FRMD4A: variants seen among roughly 807,000 people sequenced by gnomAD.
FRMD4A encodes the protein FERM domain-containing protein 4A.
In FRMD4A, 29 loss-of-function variants were observed where a neutral mutation model predicts 129.1. That is an observed-to-expected ratio of 0.22 (90% CI 0.17 to 0.31). The LOEUF is 0.31. FRMD4A is among the 10% of genes least tolerant of loss of function. The pLI is 1.00. For synonymous variants in FRMD4A, 634 were observed against 571.6 expected (o/e 1.11, Z -1.56); for missense variants, 1,272 against 1,375.8 (o/e 0.92, Z 1.19).
At chr10:13,772,871 A>T (rs573749573) in intron 6 of FRMD4A, among the ~76,000 whole-genome samples, 2 of 152,188 alleles carry the variant, frequency 1.3e-5, no homozygotes, top group African/African-American at 4.8e-5. Context: ...AGAATGAATA[A>T]GACCTAGTAT....
chr10:13,755,625 C>T (rs1261858624), intron 8 of FRMD4A, among the ~76,000 whole-genome samples: 2 of 152,164 alleles, frequency 1.3e-5, no homozygotes, highest in Admixed American at 6.5e-5. Context: ...TGAGGGACTG[C>T]TACTATTTGT....
intron 5 of FRMD4A, among the ~76,000 whole-genome samples, chr10:13,788,465 G>C (rs111359946): frequency 0.013 from 2,055 of 152,332 alleles, 18 homozygotes; most frequent in Non-Finnish European, 0.021. Context: ...GCGTGGCATG[G>C]TGTGGCCCCT....
intron 2 of FRMD4A, among the ~76,000 whole-genome samples, chr10:14,035,045 C>G (rs1242479132): frequency 6.6e-6 from 1 of 152,170 alleles, no homozygotes; most frequent in Non-Finnish European, 1.5e-5. Flanking sequence ...ACAGTACAAT[C>G]TGAAAATGAA....
At chr10:14,234,224 GAA>G (rs11347904) in intron 2 of FRMD4A, among the ~76,000 whole-genome samples, 11,946 of 151,416 alleles carry the variant, frequency 0.079, 595 homozygotes, top group Non-Finnish European at 0.11. Context: ...GGAAGAAGAA[GAA>G]AAAAAAAAAC....
intron 2 of FRMD4A, among the ~76,000 whole-genome samples, chr10:14,073,838 G>A (rs1357840280): frequency 6.6e-6 from 1 of 152,142 alleles, no homozygotes; most frequent in African/African-American, 2.4e-5. Flanking sequence ...TTTGCATAGG[G>A]CGGTGGCTCA....
At chr10:14,167,891 G>C (rs567556790) in intron 2 of FRMD4A, among the ~76,000 whole-genome samples, 4 of 152,196 alleles carry the variant, frequency 2.6e-5, no homozygotes, top group African/African-American at 7.2e-5. Context: ...GGGCATCCCC[G>C]TGGATAGACA....
At chr10:13,813,179 T>C (rs553898252) in intron 3 of FRMD4A, among the ~76,000 whole-genome samples, 2 of 152,362 alleles carry the variant, frequency 1.3e-5, no homozygotes, top group African/African-American at 2.4e-5. Flanking sequence ...GCGCCATGGC[T>C]CACGCCTGTA....
At chr10:13,962,008 T>G (rs1413463550) in intron 2 of FRMD4A, among the ~76,000 whole-genome samples, 1 of 150,988 alleles carries the variant, frequency 6.6e-6, no homozygotes, top group Non-Finnish European at 1.5e-5. Context: ...TGTTCATTAG[T>G]TATTTGTTAG....
chr10:14,185,792 C>T (rs770816103), intron 2 of FRMD4A, among the ~76,000 whole-genome samples: 3 of 152,126 alleles, frequency 2.0e-5, no homozygotes, highest in African/African-American at 7.2e-5. Context: ...ACAATCCAGA[C>T]TAGTCCTGGG....
At chr10:14,058,588 A>G (rs536456781) in intron 2 of FRMD4A, among the ~76,000 whole-genome samples, 1 of 152,334 alleles carries the variant, frequency 6.6e-6, no homozygotes, top group East Asian at 1.9e-4. Flanking sequence ...ATAGAAATTC[A>G]CTGTTGACTG....
chr10:13,704,692 G>A (rs1233118597), intron 13 of FRMD4A, among the ~76,000 whole-genome samples: 1 of 152,128 alleles, frequency 6.6e-6, no homozygotes, highest in East Asian at 1.9e-4. Context: ...AGACCTCCTA[G>A]GTTCAAATCC....
In FRMD4A at chr10:13,821,387, G is replaced by A. The variant is rs954482053; in HGVS notation, c.112-10479C>T. Among the ~76,000 whole-genome samples, 1 of 152,126 alleles carries A rather than the reference G, an allele frequency of 6.6e-6. No homozygotes were observed. The highest frequency in any genetic ancestry group is 2.4e-5 in the African/African-American group (1 of 41,420). On this transcript the variant is annotated intron_variant, in intron 3 of 24. Transcript: ENST00000357447. The surrounding 1 kb of genome is among the most constrained non-coding windows in gnomAD (Gnocchi z 4.3). ...ACCCAGAACAGGTAGGAGAGACCCC[G>A]AAGCCAAGATCAGAGACCCGCCTGC...
chr10:13,773,500 G>A (rs1399079600), intron 6 of FRMD4A, among the ~76,000 whole-genome samples: 1 of 152,160 alleles, frequency 6.6e-6, no homozygotes, highest in Non-Finnish European at 1.5e-5. Flanking sequence ...AAGGTCTTTC[G>A]ACATGAGCAC....
At chr10:13,964,045 C>T (rs995351995) in intron 2 of FRMD4A, among the ~76,000 whole-genome samples, 2 of 151,806 alleles carry the variant, frequency 1.3e-5, no homozygotes, top group African/African-American at 4.8e-5. Context: ...GTGGGATGTG[C>T]CCTGTGACCC....
chr10:13,903,195 A>T (rs2094841647), intron 2 of FRMD4A, among the ~76,000 whole-genome samples: 2 of 151,864 alleles, frequency 1.3e-5, no homozygotes, highest in Admixed American at 1.3e-4. Context: ...TTTTCTAACC[A>T]CCTTTCTTAA....
At chr10:14,238,999 C>G (rs1589215556) in intron 2 of FRMD4A, among the ~76,000 whole-genome samples, 1 of 152,088 alleles carries the variant, frequency 6.6e-6, no homozygotes, top group East Asian at 1.9e-4. Context: ...TTTACTGATT[C>G]CTTTCGACTC....
intron 2 of FRMD4A, among the ~76,000 whole-genome samples, chr10:13,898,941 G>A (rs2094788993): frequency 6.6e-6 from 1 of 152,122 alleles, no homozygotes; most frequent in Admixed American, 6.5e-5. Flanking sequence ...CCAGCTCTCT[G>A]GAGGGCCGAG....
intron 2 of FRMD4A, among the ~76,000 whole-genome samples, chr10:14,104,242 GAGTTTA>G (rs1837463183): frequency 2.6e-5 from 4 of 151,530 alleles, no homozygotes; most frequent in Admixed American, 2.6e-4. Flanking sequence ...CACTGCCATC[GAGTTTA>G]CACTGCCATG....
chr10:14,022,855 C>T (rs956131545), intron 2 of FRMD4A, among the ~76,000 whole-genome samples: 17 of 152,060 alleles, frequency 1.1e-4, no homozygotes, highest in African/African-American at 3.9e-4. Context: ...GAGGAGCCTG[C>T]GGGTAGGGGA....
Sources: gnomAD v4.1 joint callset for allele counts (sites outside exome capture counted in the v4.1 genomes callset) on GRCh38, gnomAD v4.1.1 for gene constraint, Gnocchi (gnomAD v3.1) non-coding constraint, MANE v1.5 for transcripts, NCBI Gene and HGNC (gene_info 2026-07-23, HGNC 2026-07-21) for gene names.